Variants in MCOLN3 observed in about 807,000 individuals in gnomAD.
MCOLN3 encodes mucolipin-3.
In MCOLN3, 62 loss-of-function variants were observed where a neutral mutation model predicts 69.4. That is an observed-to-expected ratio of 0.89 (90% confidence interval 0.73 to 1.10). The LOEUF (loss-of-function observed/expected upper bound fraction) is 1.10, where lower values mean the gene tolerates loss of function less well. Among genes scored for constraint, MCOLN3 ranks in the 50% least tolerant of loss-of-function variants. The pLI is 0.00. For missense variants in MCOLN3, 564 were observed against 656.4 expected (o/e 0.86, Z 1.54); for synonymous variants, 183 against 217.0 (o/e 0.84, Z 1.38).
intron 12 of MCOLN3, among the ~76,000 whole-genome samples, chr1:85,019,704 G>A (rs1360234378): frequency 2.0e-5 from 3 of 152,216 alleles, no homozygotes; most frequent in Non-Finnish European, 4.4e-5. Context: ...TAGGCCAAGG[G>A]ATGGAAATCC....
chr1:85,032,625 G>A, intron 6 of MCOLN3, 71 bp downstream of exon 6: 1 of 1,084,222 alleles, frequency 9.2e-7, no homozygotes, highest in Admixed American at 1.7e-5. Context: ...GTAATCCAAG[G>A]ATATGAAACA....
At position 85,022,305 on chromosome 1, in the gene MCOLN3, C is replaced by G. The variant is rs375444573; in HGVS notation, c.1191G>C (p.Lys397Asn). 2.5e-6 allele frequency: 4 copies of G among 1,613,780 alleles called. No homozygotes were observed. Among genetic ancestry groups the G allele is most frequent in the Non-Finnish European group, 3.4e-6 (4 of 1,179,840 alleles). ...GATCCGTGGAATTCCTTACGTTGTA[C>G]TTTGCAAAGAAACCGAGGTATCGGA... ...GVIRYLGFFAKYNLLILTLQA... is the reference protein window; with the variant it reads ...GVIRYLGFFANYNLLILTLQA... The change falls in exon 10 of 13, where the codon AAG becomes AAC. Residue 397 changes from lysine (K) to asparagine (N), a missense_variant. Physicochemically the swap from Lys to Asn is moderately conservative, Grantham distance 94. Transcript: ENST00000370589.
At chr1:85,024,814 T>G (rs1219957214) in intron 9 of MCOLN3, 1 of 152,158 alleles carries the variant, frequency 6.6e-6, no homozygotes, top group Non-Finnish European at 1.5e-5. Context: ...TCCCTAAAGT[T>G]AAACATCTAT....
intron 7 of MCOLN3, 51 bp from the exon 8 acceptor site, chr1:85,026,335 G>A: frequency 8.6e-7 from 1 of 1,158,498 alleles, no homozygotes; most frequent in African/African-American, 1.5e-5. Context: ...CATTAATATG[G>A]TGACATCTTC....
In MCOLN3 at chr1:85,048,396, C is replaced by A. The variant is rs2102951292; in HGVS notation, c.-3G>T. 6.6e-6 allele frequency: 1 copy of A among 152,050 alleles called. No individual in the cohort carries two copies. The highest frequency in any genetic ancestry group is 2.1e-4 in the South Asian group (1 of 4,834). 9.4% of individuals were successfully genotyped at this position (152,050 alleles called of 1,614,324 possible). On this transcript the variant is annotated splice_region_variant and 5_prime_UTR_variant, in exon 1 of 13. Transcript: ENST00000370589. ...CCGGGGCAGCGCCCCGCGGGCTCAC[C>A]TGGGGGACAGCGGGGAGCGGCCGCA... is the stretch of plus-strand genomic sequence containing the variant.
chr1:85,045,356 G>A lies in MCOLN3; in HGVS notation c.5C>T (p.Ala2Val). 1 of 1,610,462 alleles carries A rather than the reference G, an allele frequency of 6.2e-7. No individual in the cohort carries two copies. Among genetic ancestry groups the A allele is most frequent in the Non-Finnish European group, 8.5e-7 (1 of 1,178,366 alleles). The part of the protein sequence containing the change: M[A>V]DPEVVVSSCS... ...GCTACTCACAACTACCTCAGGATCT[G>A]CCATCTCTAGAGGAAAAAAACAACA... The change falls in exon 2 of 13, where the codon GCA (alanine) becomes GTA (valine). Residue 2 changes from alanine to valine, a missense_variant. Ala to Val is a moderately conservative substitution (Grantham distance 64). Transcript: ENST00000370589.
chr1:85,044,365 C>T (rs533794118), intron 2 of MCOLN3, among the ~76,000 whole-genome samples: 1 of 152,180 alleles, frequency 6.6e-6, no homozygotes, highest in South Asian at 2.1e-4. Flanking sequence ...GCATTTTTCA[C>T]CAACTTAGGA....
Position 85,040,674 on chromosome 1 carries a change from T to A in MCOLN3, c.396+336A>T, listed in dbSNP as rs114576020. 2.6e-3 allele frequency among the ~76,000 whole-genome samples: 399 copies of A among 152,222 alleles called. 4 individuals are homozygous for A. The highest frequency in any genetic ancestry group is 9.2e-3 in the African/African-American group (381 of 41,546). Reference sequence around the variant, plus strand: ...TGTTAAGAGGCCCTGAAAGTATACTTTCAGCTCTGAGGACTTAATGACTAC... The same window carrying A: ...TGTTAAGAGGCCCTGAAAGTATACTATCAGCTCTGAGGACTTAATGACTAC... On this transcript the variant is annotated intron_variant, in intron 3 of 12. Coordinates refer to ENST00000370589, the MANE Select transcript of MCOLN3 (RefSeq NM_018298.11).
Position 85,048,053 on chromosome 1 carries a change from G to T in MCOLN3, c.-3+343C>A, listed in dbSNP as rs1011868834. On this transcript the variant is annotated intron_variant, in intron 1 of 12. Transcript: ENST00000370589. ...GGCATCCAAGCCTTCCAGCCCAGGG[G>T]CTCCGGGCGGGGGTGGCTTCCAGCC... Among the ~76,000 whole-genome samples, 34 of 152,360 alleles carry T rather than the reference G, an allele frequency of 2.2e-4. No individual in the cohort carries two copies. The East Asian group carries it at 6.0e-3, about 27-fold the overall frequency.
chr1:85,019,868 A>G (rs1217109020), intron 12 of MCOLN3, among the ~76,000 whole-genome samples: 1 of 152,210 alleles, frequency 6.6e-6, no homozygotes, highest in African/African-American at 2.4e-5. Flanking sequence ...TAAGGGCCTC[A>G]TATTTATATC....
chr1:85,024,204 C>G (rs1005689186), intron 9 of MCOLN3, among the ~76,000 whole-genome samples: 2 of 151,928 alleles, frequency 1.3e-5, no homozygotes, highest in Non-Finnish European at 2.9e-5. Context: ...TCAGAAACAA[C>G]AAGATTAACT....
rs781256296 is a variant in MCOLN3, at chr1:85,032,920, A to G, written c.587T>C (p.Ile196Thr). Reference sequence around the variant, plus strand: ...CAGTTTATTTTCTGCTGGTGTCCCAATGTGAAAAGGTTCATCTGGCTCCAC... The same window carrying G: ...CAGTTTATTTTCTGCTGGTGTCCCAGTGTGAAAAGGTTCATCTGGCTCCAC... ...FFVEPDEPFH[I>T]GTPAENKLNL... Residue 196 changes from isoleucine to threonine, a missense_variant, in exon 5 of 13, where the codon ATT (isoleucine) becomes ACT (threonine). Physicochemically the swap from Ile to Thr is moderately conservative, Grantham distance 89 (BLOSUM62 -1). Coordinates refer to ENST00000370589, the MANE Select transcript of MCOLN3 (RefSeq NM_018298.11). 1.7e-5 allele frequency: 28 copies of G among 1,614,102 alleles called. No homozygotes were observed. The highest frequency in any genetic ancestry group is 3.3e-4 in the Middle Eastern group (2 of 6,062).
intron 12 of MCOLN3, 108 bp from the exon 13 acceptor site, chr1:85,019,365 T>C: frequency 9.3e-7 from 1 of 1,071,676 alleles, no homozygotes. Context: ...TCTAGAGAGA[T>C]AGTATCGTTA....
chr1:85,041,364 T>G (rs1045901324), intron 2 of MCOLN3, among the ~76,000 whole-genome samples, 187 bp from the exon 3 acceptor site: 2 of 152,194 alleles, frequency 1.3e-5, no homozygotes, highest in Non-Finnish European at 2.9e-5. Flanking sequence ...ACTATATTCC[T>G]AGGTCTAATC....
At chr1:85,048,128 G>A (rs1653474930) in intron 1 of MCOLN3, among the ~76,000 whole-genome samples, 1 of 152,204 alleles carries the variant, frequency 6.6e-6, no homozygotes, top group Non-Finnish European at 1.5e-5. Flanking sequence ...GGACCGAGGA[G>A]CAGAGCACCC....
At chr1:85,036,287 G>T (rs1249922401) in intron 3 of MCOLN3, among the ~76,000 whole-genome samples, 1 of 152,142 alleles carries the variant, frequency 6.6e-6, no homozygotes, top group Non-Finnish European at 1.5e-5. Context: ...TGCCTCCTGG[G>T]TTCAAGCAAT....
chr1:85,029,924 A>C (rs1294568321), intron 6 of MCOLN3: 1 of 152,242 alleles, frequency 6.6e-6, no homozygotes, highest in Non-Finnish European at 1.5e-5. Flanking sequence ...TCAAGTCCTG[A>C]AGAAAAAAAG....
chr1:85,025,139 G>C (rs1652149202), intron 9 of MCOLN3: 1 of 152,294 alleles, frequency 6.6e-6, no homozygotes, highest in East Asian at 1.9e-4. Context: ...AAAATGGGAG[G>C]AACATGGGTG....
intron 3 of MCOLN3, among the ~76,000 whole-genome samples, chr1:85,039,776 T>C (rs1652970913): frequency 6.6e-6 from 1 of 151,976 alleles, no homozygotes; most frequent in Non-Finnish European, 1.5e-5. Context: ...GGAGACCCTG[T>C]CTCTATAAAA....
Sources: gnomAD v4.1 joint callset for allele counts (sites outside exome capture counted in the v4.1 genomes callset) on GRCh38, gnomAD v4.1.1 for gene constraint, MANE v1.5 for transcripts, NCBI Gene and HGNC (gene_info 2026-07-23, HGNC 2026-07-21) for gene names.